Variants in ATP2C2 observed in about 807,000 individuals in gnomAD.
The protein encoded by ATP2C2 is calcium-transporting ATPase type 2C member 2.
In ATP2C2, 171 loss-of-function variants were observed where a neutral mutation model predicts 110.8. That is an observed-to-expected ratio of 1.54 (90% CI 1.36 to 1.75). The LOEUF (loss-of-function observed/expected upper bound fraction) is 1.75. Ranked by LOEUF, ATP2C2 falls within the 40% of genes most tolerant of loss-of-function variation. The pLI is 0.00. For missense variants in ATP2C2, 1,963 were observed against 1,235.0 expected (o/e 1.59, Z -8.84); for synonymous variants, 804 against 508.4 (o/e 1.58, Z -7.82).
intron 1 of ATP2C2, among the ~76,000 whole-genome samples, chr16:84,398,280 C>T (rs985548795): frequency 6.6e-6 from 1 of 151,956 alleles, no homozygotes. Context: ...GTGATGCGTA[C>T]CTGTAATCCC....
chr16:84,405,200 G>T lies in ATP2C2; in HGVS notation c.283G>T (p.Val95Phe), dbSNP rs1358622079. The change falls in exon 3 of 27, where the codon GTT (valine) becomes TTT (phenylalanine). Residue 95 changes from valine to phenylalanine, a missense_variant. Coordinates refer to ENST00000262429, the MANE Select transcript of ATP2C2 (RefSeq NM_014861.4). ...GCTGGCCCATGGCTGGAATGAGTTT[G>T]TTGCTGACAACAGCGAACCTGTGTG... ...RRLAHGWNEFVADNSEPVWKK... is the reference protein window; with the variant it reads ...RRLAHGWNEFFADNSEPVWKK... 1 of 1,614,162 alleles carries T rather than the reference G, an allele frequency of 6.2e-7. No homozygotes were observed. Among genetic ancestry groups the T allele is most frequent in the Admixed American group, 1.7e-5 (1 of 60,016 alleles).
intron 23 of ATP2C2, 89 bp downstream of exon 23, chr16:84,459,475 G>T (rs437299): frequency 6.3e-7 from 1 of 1,598,996 alleles, no homozygotes; most frequent in Admixed American, 1.7e-5. Flanking sequence ...CAAGGCTATA[G>T]GGATGAACAA....
intron 1 of ATP2C2, among the ~76,000 whole-genome samples, chr16:84,381,228 T>C (rs1035140416): frequency 1.2e-4 from 18 of 152,178 alleles, no homozygotes; most frequent in Non-Finnish European, 2.2e-4. Context: ...GATTACAAAG[T>C]ACATTGATCA....
chr16:84,446,879 C>A (rs773870993), intron 16 of ATP2C2, among the ~76,000 whole-genome samples: 26 of 152,114 alleles, frequency 1.7e-4, no homozygotes, highest in Non-Finnish European at 2.9e-4. Flanking sequence ...CAGCCCTGTG[C>A]TAAGTTTTTT....
At chr16:84,459,564 G>C (rs774071589) in intron 23 of ATP2C2, 178 bp downstream of exon 23, 3 of 1,536,954 alleles carry the variant, frequency 2.0e-6, no homozygotes, top group African/African-American at 1.4e-5. Context: ...AGAAGGCAGA[G>C]GAGAAAGTAC....
chr16:84,398,189 G>C (rs1235660850), intron 1 of ATP2C2, among the ~76,000 whole-genome samples: 1 of 152,002 alleles, frequency 6.6e-6, no homozygotes. Context: ...ATCACCTGAG[G>C]TCAGGAGTTT....
At position 84,454,977 on chromosome 16, in the gene ATP2C2, G is replaced by A; in HGVS notation, c.2140G>A (p.Ala714Thr). ...GATCCTGGTGGATGATGACTTCTCA[G>A]CCATCATGTAAGCTGCCCTTCTGGT... ...NMILVDDDFS[A>T]IMNAVEEGKG... Residue 714 changes from alanine to threonine, a missense_variant, in exon 21 of 27, where the codon GCC (alanine) becomes ACC (threonine). Coordinates refer to ENST00000262429, the MANE Select transcript of ATP2C2 (RefSeq NM_014861.4). 6.2e-7 allele frequency: 1 copy of A among 1,610,352 alleles called. No homozygotes were observed. Among genetic ancestry groups the A allele is most frequent in the Non-Finnish European group, 8.5e-7 (1 of 1,178,302 alleles).
chr16:84,389,300 G>A (rs1191908250), intron 1 of ATP2C2, among the ~76,000 whole-genome samples: 1 of 151,798 alleles, frequency 6.6e-6, no homozygotes, highest in Non-Finnish European at 1.5e-5. Flanking sequence ...ATTCCTGGGT[G>A]CCTTTCTAGA....
chr16:84,452,456 T>G (rs1264596313), intron 18 of ATP2C2, among the ~76,000 whole-genome samples: 1 of 151,376 alleles, frequency 6.6e-6, no homozygotes. Flanking sequence ...ACCCTCAGTC[T>G]CTTCATCAAT....
chr16:84,445,703 C>T (rs1909682982), intron 15 of ATP2C2, among the ~76,000 whole-genome samples: 1 of 152,226 alleles, frequency 6.6e-6, no homozygotes, highest in African/African-American at 2.4e-5. Context: ...AATCACCCCA[C>T]TCCCTCCCCA....
At chr16:84,438,530 G>C (rs1016224008) in intron 11 of ATP2C2, among the ~76,000 whole-genome samples, 1 of 152,186 alleles carries the variant, frequency 6.6e-6, no homozygotes, top group Non-Finnish European at 1.5e-5. Context: ...CTCAGCTTGG[G>C]TCACACGCTC....
rs749331150 is a variant in ATP2C2, at chr16:84,451,908, CCT to C, written c.1661-7_1661-6del. 5.0e-5 allele frequency: 81 copies of C among 1,609,400 alleles called. No homozygotes were observed. Among genetic ancestry groups the C allele is most frequent in the Admixed American group, 4.6e-4 (27 of 58,262 alleles). ...CCCCCGGTGACCCCTCCTTACTCCC[CCT>C]CTCTCCTCAGTGCTGGCCCTGGCTT... On this transcript the variant is annotated splice_polypyrimidine_tract_variant and intron_variant, in intron 17 of 26. Transcript: ENST00000262429.
chr16:84,406,752 G>A (rs1232702361), intron 3 of ATP2C2: 1 of 640,656 alleles, frequency 1.6e-6, no homozygotes, highest in Non-Finnish European at 1.9e-6. Flanking sequence ...AGGAGGCCGA[G>A]ACATGGGCTG....
At chr16:84,450,248 G>A (rs1286000650) in intron 17 of ATP2C2, among the ~76,000 whole-genome samples, 1 of 152,194 alleles carries the variant, frequency 6.6e-6, no homozygotes, top group Non-Finnish European at 1.5e-5. Context: ...GAGAAGGCCT[G>A]TGCGTTTTTC....
intron 6 of ATP2C2, among the ~76,000 whole-genome samples, chr16:84,413,044 G>C (rs1906519057): frequency 6.6e-6 from 1 of 151,016 alleles, no homozygotes; most frequent in Non-Finnish European, 1.5e-5. Flanking sequence ...GTTGCAGTGA[G>C]CCAAGAGTGC....
chr16:84,422,846 A>T, intron 9 of ATP2C2, 149 bp downstream of exon 9: 3 of 920,930 alleles, frequency 3.3e-6, no homozygotes, highest in Non-Finnish European at 4.7e-6. Context: ...TTTTTTTTTA[A>T]TAGAGACAGG....
At chr16:84,386,013 T>C (rs919638110) in intron 1 of ATP2C2, among the ~76,000 whole-genome samples, 2 of 152,260 alleles carry the variant, frequency 1.3e-5, no homozygotes, top group Non-Finnish European at 2.9e-5. Flanking sequence ...ACGGGAACCC[T>C]TTCAAGGTGA....
chr16:84,460,585 C>T lies in ATP2C2; in HGVS notation c.2334-69C>T, dbSNP rs766047302. 1.6e-5 allele frequency: 26 copies of T among 1,608,646 alleles called. No homozygotes were observed. In the East Asian group the frequency reaches 1.8e-4, roughly 11 times the overall value. On this transcript the variant is annotated intron_variant, in intron 23 of 26. Transcript: ENST00000262429. ...CAACTTGGCCTGGGAGGCTCAGGCA[C>T]AGCTGTTTCAAGGGTCCTTTATTTC... is the stretch of plus-strand genomic sequence containing the variant.
At position 84,463,721 on chromosome 16, in the gene ATP2C2, G is replaced by A. The variant is rs1199757472; in HGVS notation, c.2830G>A (p.Glu944Lys). The A allele has an allele frequency of 6.2e-7, 1 of 1,612,960 alleles. No individual in the cohort carries two copies. Among genetic ancestry groups the A allele is most frequent in the East Asian group, 2.2e-5 (1 of 44,894 alleles). ...CSPKRVQMHP[E>K]DV ...CCCCAAGAGAGTCCAGATGCACCCT[G>A]AAGATGTGTAGTGGACCGCACTCCG... Residue 944 changes from glutamate to lysine, a missense_variant, in exon 27 of 27, where the codon GAA becomes AAA. Glu to Lys is a moderately conservative substitution (Grantham distance 56). Coordinates refer to ENST00000262429, the MANE Select transcript of ATP2C2 (RefSeq NM_014861.4).
Sources: gnomAD v4.1 joint callset for allele counts (sites outside exome capture counted in the v4.1 genomes callset) on GRCh38, gnomAD v4.1.1 for gene constraint, MANE v1.5 for transcripts, NCBI Gene and HGNC (gene_info 2026-07-23, HGNC 2026-07-21) for gene names.